The following TXNRD3 variants were observed in gnomAD, a reference collection of about 807,000 sequenced individuals.
The protein encoded by TXNRD3 is TXNRD3 neighbor gene protein.
Under a neutral mutation model 78.2 loss-of-function variants are expected in TXNRD3, and 68 were observed. The ratio of observed to expected loss-of-function variants is 0.87; its 90% CI spans 0.72 to 1.06. TXNRD3 has a LOEUF of 1.06. Ranked by LOEUF, TXNRD3 falls within the 50% of genes least tolerant of loss-of-function variation. The probability of loss-of-function intolerance (pLI) is 0.00; values close to 1 mark genes in which losing one functional copy is unlikely to be tolerated. For synonymous variants in TXNRD3, 296 were observed against 300.1 expected (o/e 0.99, Z 0.14); for missense variants, 751 against 809.5 (o/e 0.93, Z 0.88).
Position 126,608,566 on chromosome 3 carries a change from G to A in TXNRD3, c.1796C>T (p.Ala599Val). Reference sequence around the variant, plus strand: ...CTGTTTTGTGAGCCCACATTTCATTGCAGCTGCAAATCCTTGGGTAACCTC... The same window carrying A: ...CTGTTTTGTGAGCCCACATTTCATTACAGCTGCAAATCCTTGGGTAACCTC... The change falls in exon 15 of 16, where the codon GCA (alanine) becomes GTA (valine). Residue 599 changes from alanine (A) to valine (V), a missense_variant. Transcript: ENST00000524230. 11 of 1,535,882 alleles carry A rather than the reference G, an allele frequency of 7.2e-6. No homozygotes were observed. Among genetic ancestry groups the A allele is most frequent in the Non-Finnish European group, 9.6e-6 (11 of 1,146,852 alleles).
chr3:126,614,518 GCTT>G (rs1385411041), intron 13 of TXNRD3, among the ~76,000 whole-genome samples: 1 of 152,110 alleles, frequency 6.6e-6, no homozygotes, highest in Non-Finnish European at 1.5e-5. Flanking sequence ...AAAAAGGATA[GCTT>G]ATTATTATAT....
At chr3:126,637,932 C>CTCTCTTTTTTTTT (rs1444254294) in intron 6 of TXNRD3, among the ~76,000 whole-genome samples, 1 of 60,190 alleles carries the variant, frequency 1.7e-5, no homozygotes, top group Admixed American at 2.6e-4. Context: ...ATTTCTCTCT[C>CTCTCTTTTTTTTT]TTTTTTTTTT....
intron 14 of TXNRD3, 32 bp downstream of exon 14, chr3:126,611,005 A>G: frequency 8.0e-7 from 1 of 1,247,956 alleles, no homozygotes; most frequent in Admixed American, 3.0e-5. Context: ...TTTAAAAATC[A>G]CAGCATTTTG....
chr3:126,631,788 C>T lies in TXNRD3; in HGVS notation c.947G>A (p.Gly316Glu). The T allele has an allele frequency of 6.5e-7, 1 of 1,535,062 alleles. No individual in the cohort carries two copies. Among genetic ancestry groups the T allele is most frequent in the African/African-American group, 1.4e-5 (1 of 73,100 alleles). Residue 316 changes from glycine (G) to glutamate (E), a missense_variant, in exon 8 of 16, where the codon GGA becomes GAA. Transcript: ENST00000524230. Reference sequence around the variant, plus strand: ...CCTAGTAATACAGTATTCTTTATCTCCTTGGATTCCTAAATACCGTGGCCT... The same window carrying T: ...CCTAGTAATACAGTATTCTTTATCTTCTTGGATTCCTAAATACCGTGGCCT...
chr3:126,608,791 A>C (rs1256136239), intron 14 of TXNRD3, among the ~76,000 whole-genome samples, 158 bp from the exon 15 acceptor site: 1 of 152,216 alleles, frequency 6.6e-6, no homozygotes, highest in Non-Finnish European at 1.5e-5. Flanking sequence ...AAACTAAGCC[A>C]CTGTAAGAAT....
At chr3:126,640,451 C>T (rs9824832) in intron 6 of TXNRD3, among the ~76,000 whole-genome samples, 14 of 152,136 alleles carry the variant, frequency 9.2e-5, no homozygotes, top group African/African-American at 3.1e-4. Flanking sequence ...CCATTTCCCC[C>T]CCAGTCTCTC....
At chr3:126,612,036 ATTTG>A (rs563438636) in intron 13 of TXNRD3, among the ~76,000 whole-genome samples, 124 of 151,690 alleles carry the variant, frequency 8.2e-4, no homozygotes, top group Non-Finnish European at 6.8e-4. Flanking sequence ...TTTTTTGTTT[ATTTG>A]TTTGTTTGTT....
chr3:126,641,816 T>C (rs1161958378), intron 6 of TXNRD3, among the ~76,000 whole-genome samples: 1 of 152,218 alleles, frequency 6.6e-6, no homozygotes, highest in Non-Finnish European at 1.5e-5. Context: ...GGGTGTGGAA[T>C]TGCTGCAGCT....
Position 126,642,087 on chromosome 3 carries a change from AAG to A in TXNRD3, c.655_656del (p.Leu219PhefsTer7). On this transcript the variant is annotated frameshift_variant, in exon 6 of 16. Transcript: ENST00000524230. LOFTEE classifies it high-confidence loss of function. ...TTGAGTCACATAATGCCTGCCCCAA[AAG>A]GGCAGCCTGATGCATCAATTTCTTA... is the stretch of plus-strand genomic sequence containing the variant. 1 of 1,536,206 alleles carries A rather than the reference AAG, an allele frequency of 6.5e-7. No homozygotes were observed. Among genetic ancestry groups the A allele is most frequent in the South Asian group, 1.2e-5 (1 of 84,032 alleles).
chr3:126,607,926 A>G lies in TXNRD3; in HGVS notation c.1911T>C (p.Thr637=). The G allele has an allele frequency of 6.6e-7, 1 of 1,514,444 alleles. No homozygotes were observed. The highest frequency in any genetic ancestry group is 8.8e-7 in the Non-Finnish European group (1 of 1,130,372). The allele number at this position is 1,514,444 out of a possible 1,614,324, so 93.8% of individuals were successfully genotyped here. ...AGGCCTAGCCTCAGCAGCCTTTCTG[A>G]GTGATGTCTAGTCCTGACGACTTTG... The change falls in exon 16 of 16, where the codon ACT becomes ACC. Residue 637 remains threonine (T), a synonymous_variant. Coordinates refer to ENST00000524230, the MANE Select transcript of TXNRD3 (RefSeq NM_052883.3).
At chr3:126,626,796 T>C (rs1037771859) in intron 10 of TXNRD3, among the ~76,000 whole-genome samples, 12 of 152,096 alleles carry the variant, frequency 7.9e-5, no homozygotes, top group African/African-American at 2.7e-4. Flanking sequence ...AAAGAGAAAT[T>C]AAAATATATG....
rs1933162874 is a variant in TXNRD3 at position 126,644,093 on chromosome 3, T to C, written c.520-40A>G. 1.6e-5 allele frequency: 24 copies of C among 1,526,596 alleles called. No homozygotes were observed. The East Asian group carries it at 5.9e-4, about 37-fold the overall frequency. 94.6% of individuals were successfully genotyped at this position (1,526,596 alleles called of 1,614,324 possible). A position where few individuals can be genotyped will look rare whatever the true frequency, so the allele number is the denominator to read the frequency against. On this transcript the variant is annotated intron_variant, in intron 4 of 15. Transcript: ENST00000524230. The stretch of plus-strand genomic sequence containing the variant: ...CAACAAAAATTACGTATAAAGATCT[T>C]GTCACTTTCCTGACACTCCCTCAAT...
chr3:126,629,762 T>G (rs1405237655), intron 9 of TXNRD3, among the ~76,000 whole-genome samples: 1 of 152,216 alleles, frequency 6.6e-6, no homozygotes, highest in African/African-American at 2.4e-5. Flanking sequence ...TAAGTACCAT[T>G]TACTGAGTAC....
chr3:126,623,663 C>A (rs1360502470), intron 10 of TXNRD3, among the ~76,000 whole-genome samples: 1 of 151,940 alleles, frequency 6.6e-6, no homozygotes, highest in Admixed American at 6.6e-5. Flanking sequence ...TAATTAAAAT[C>A]TTCGGAATAA....
chr3:126,609,054 A>G, intron 14 of TXNRD3: 1 of 302,716 alleles, frequency 3.3e-6, no homozygotes, highest in Non-Finnish European at 6.8e-6. Context: ...CCCAACATCA[A>G]GTGGAGACAA....
intron 1 of TXNRD3, among the ~76,000 whole-genome samples, chr3:126,652,748 G>T (rs1257558550): frequency 6.6e-6 from 1 of 152,238 alleles, no homozygotes; most frequent in Non-Finnish European, 1.5e-5. Flanking sequence ...CTAACACCCT[G>T]AGCTGTCAAG....
intron 5 of TXNRD3, among the ~76,000 whole-genome samples, chr3:126,642,494 A>G (rs976005028): frequency 1.3e-5 from 2 of 152,218 alleles, no homozygotes; most frequent in Non-Finnish European, 2.9e-5. Context: ...TGTACTCTCC[A>G]TAACTCTGAC....
chr3:126,611,185 C>T (rs1010426989), intron 13 of TXNRD3, 53 bp from the exon 14 acceptor site: 1 of 1,125,642 alleles, frequency 8.9e-7, no homozygotes, highest in African/African-American at 1.6e-5. Context: ...GGAAACCATT[C>T]CTTGATAGGC....
chr3:126,638,431 C>G (rs1932967025), intron 6 of TXNRD3, among the ~76,000 whole-genome samples: 1 of 152,116 alleles, frequency 6.6e-6, no homozygotes. Context: ...GTCAGCACCC[C>G]AAAGACTTAG....
Sources: allele counts gnomAD v4.1 joint callset (sites outside exome capture counted in the v4.1 genomes callset), GRCh38; gene constraint gnomAD v4.1.1; transcripts MANE v1.5; gene names NCBI Gene and HGNC (gene_info 2026-07-23, HGNC 2026-07-21).